FRMD4B: variants seen among roughly 807,000 people sequenced by gnomAD.
FRMD4B encodes FERM domain containing 4B.
FRMD4B carries 74 observed loss-of-function variants against 141.5 expected under a neutral mutation model. The ratio of observed to expected loss-of-function variants is 0.52; its 90% confidence interval spans 0.43 to 0.63. The LOEUF (loss-of-function observed/expected upper bound fraction) is 0.63. FRMD4B is among the 30% of genes least tolerant of loss of function. The pLI, the probability that FRMD4B is intolerant of heterozygous loss-of-function variation, is 0.00. For synonymous variants in FRMD4B, 506 were observed against 467.9 expected, an observed-to-expected ratio of 1.08 and a Z score of -1.05; for missense variants, 1,366 against 1,253.4, an observed-to-expected ratio of 1.09 and a Z score of -1.36.
At chr3:69,366,095 AC>A (rs1703641215) in intron 1 of FRMD4B, among the ~76,000 whole-genome samples, 1 of 151,158 alleles carries the variant, frequency 6.6e-6, no homozygotes, top group Non-Finnish European at 1.5e-5. Context: ...ACACACACAC[AC>A]ACACACACAC....
intron 2 of FRMD4B, among the ~76,000 whole-genome samples, chr3:69,393,204 G>T (rs1704415376): frequency 6.6e-6 from 1 of 151,990 alleles, no homozygotes; most frequent in South Asian, 2.1e-4. Context: ...CACTCCTGGG[G>T]GTGTAGGAGG....
At chr3:69,496,216 TCTGA>T (rs1237921490) in intron 1 of FRMD4B, among the ~76,000 whole-genome samples, 3 of 152,312 alleles carry the variant, frequency 2.0e-5, no homozygotes, top group Admixed American at 1.3e-4. Flanking sequence ...CTCAAATCTG[TCTGA>T]CTATTTATGC....
intron 1 of FRMD4B, among the ~76,000 whole-genome samples, chr3:69,540,654 TATATATACAC>T (rs1229707624): frequency 1.0e-3 from 81 of 78,184 alleles, no homozygotes; most frequent in South Asian, 6.3e-3. Context: ...TATATATATA[TATATATACAC>T]ACACACACAC....
At chr3:69,538,770 T>C (rs1028006635) in intron 1 of FRMD4B, among the ~76,000 whole-genome samples, 13 of 152,066 alleles carry the variant, frequency 8.5e-5, no homozygotes, top group Admixed American at 6.6e-5. Context: ...CAACAGAAAA[T>C]TGTTATCTTA....
chr3:69,363,779 C>T (rs1703550139), intron 1 of FRMD4B, among the ~76,000 whole-genome samples: 1 of 152,140 alleles, frequency 6.6e-6, no homozygotes, highest in African/African-American at 2.4e-5. Flanking sequence ...TTAACCAATC[C>T]CTGGCAGAGG....
At chr3:69,293,285 T>C (rs1575700142) in intron 4 of FRMD4B, among the ~76,000 whole-genome samples, 1 of 152,010 alleles carries the variant, frequency 6.6e-6, no homozygotes, top group South Asian at 2.1e-4. Context: ...TTTCTAGTGG[T>C]CACAAGTCAA....
rs1013781539 is a variant in FRMD4B, at chr3:69,368,228, G to GT, written c.162+17599dup. Among the ~76,000 whole-genome samples the GT allele has an allele frequency of 2.6e-5, 4 of 152,286 alleles. No individual in the cohort carries two copies. The East Asian group carries it at 7.7e-4, about 29-fold the overall frequency. On this transcript the variant is annotated intron_variant, in intron 1 of 22. Transcript: ENST00000398540. ...GATGAGGAAACTGAGGCTCAAATGGGTTGAGAAACATGCTCTGAGTTACCC... is the reference window on the plus strand; with the variant it reads ...GATGAGGAAACTGAGGCTCAAATGGGTTTGAGAAACATGCTCTGAGTTACCC...
At chr3:69,272,885 A>G (rs565061067) in intron 5 of FRMD4B, among the ~76,000 whole-genome samples, 116 of 152,346 alleles carry the variant, frequency 7.6e-4, no homozygotes, top group African/African-American at 2.2e-3. Context: ...TACTTTAAAA[A>G]AGTCTCTTTG....
intron 1 of FRMD4B, among the ~76,000 whole-genome samples, chr3:69,523,979 C>A (rs1413848376): frequency 6.6e-6 from 1 of 152,194 alleles, no homozygotes; most frequent in African/African-American, 2.4e-5. Context: ...TTTGCCCCAA[C>A]TAACTGGATT....
At chr3:69,251,912 G>C (rs1470551659) in intron 5 of FRMD4B, among the ~76,000 whole-genome samples, 1 of 152,164 alleles carries the variant, frequency 6.6e-6, no homozygotes, top group Non-Finnish European at 1.5e-5. Context: ...AAGGGAGGAG[G>C]GCTAACAGGA....
chr3:69,277,476 T>C (rs1043897398), intron 5 of FRMD4B, among the ~76,000 whole-genome samples: 1 of 151,540 alleles, frequency 6.6e-6, no homozygotes, highest in African/African-American at 2.4e-5. Context: ...TTTAATGATA[T>C]GGTATATGTC....
chr3:69,370,727 A>G (rs1388839460), intron 1 of FRMD4B, among the ~76,000 whole-genome samples: 1 of 152,048 alleles, frequency 6.6e-6, no homozygotes, highest in Non-Finnish European at 1.5e-5. Context: ...TCCTCCTCCA[A>G]ATGCTTGGTG....
At chr3:69,383,472 G>T (rs1189755013) in intron 1 of FRMD4B, among the ~76,000 whole-genome samples, 1 of 152,162 alleles carries the variant, frequency 6.6e-6, no homozygotes. Flanking sequence ...ATACATATTA[G>T]ATGTACATAG....
chr3:69,175,731 C>T (rs930682011), intron 22 of FRMD4B, among the ~76,000 whole-genome samples: 7 of 150,170 alleles, frequency 4.7e-5, no homozygotes, highest in Admixed American at 4.6e-4. Context: ...GAACAGAATG[C>T]GTTAGATGAG....
At chr3:69,504,925 C>T (rs1247716194) in intron 1 of FRMD4B, among the ~76,000 whole-genome samples, 1 of 152,196 alleles carries the variant, frequency 6.6e-6, no homozygotes, top group East Asian at 1.9e-4. Context: ...AGGGTCACTG[C>T]TCTTCATCCT....
chr3:69,445,365 CAA>C (rs1705397092), intron 1 of FRMD4B, among the ~76,000 whole-genome samples: 2 of 152,196 alleles, frequency 1.3e-5, no homozygotes, highest in Non-Finnish European at 2.9e-5. Flanking sequence ...TAACAGCAGA[CAA>C]AGAGTGCAGA....
chr3:69,498,782 A>C (rs1185174575), intron 1 of FRMD4B, among the ~76,000 whole-genome samples: 1 of 152,140 alleles, frequency 6.6e-6, no homozygotes, highest in Non-Finnish European at 1.5e-5. Context: ...GCTCACAGGC[A>C]CTCATTATTA....
At chr3:69,196,449 A>C in intron 13 of FRMD4B, 53 bp from the exon 14 acceptor site, 1 of 1,360,878 alleles carries the variant, frequency 7.3e-7, no homozygotes, top group Non-Finnish European at 1.0e-6. Flanking sequence ...CTTCAAATTA[A>C]TGAAACAATT....
Position 69,350,379 on chromosome 3 carries a change from C to A in FRMD4B, c.162+35449G>T, listed in dbSNP as rs539851423. On this transcript the variant is annotated intron_variant, in intron 1 of 22. Coordinates refer to ENST00000398540, the MANE Select transcript of FRMD4B (RefSeq NM_015123.3). Reference sequence around the variant, plus strand: ...GAACACTTTGACACTGTTGGTGGGACTGTAAACTAGTTCAACCATTGTGGA... The same window carrying A: ...GAACACTTTGACACTGTTGGTGGGAATGTAAACTAGTTCAACCATTGTGGA... Among the ~76,000 whole-genome samples the A allele has an allele frequency of 3.9e-5, 6 of 152,288 alleles. No homozygotes were observed. The East Asian group carries it at 1.2e-3, about 29-fold the overall frequency.
Sources: gnomAD v4.1 joint callset for allele counts (sites outside exome capture counted in the v4.1 genomes callset) on GRCh38, gnomAD v4.1.1 for gene constraint, MANE v1.5 for transcripts, NCBI Gene and HGNC (gene_info 2026-07-23, HGNC 2026-07-21) for gene names.